Variants in PDS5A observed in about 807,000 individuals in gnomAD.
PDS5A encodes sister chromatid cohesion protein PDS5 homolog A.
A neutral mutation model predicts 167.1 loss-of-function variants in PDS5A; 42 were observed. That is an observed-to-expected ratio of 0.25 (90% CI 0.20 to 0.33). The LOEUF (loss-of-function observed/expected upper bound fraction) is 0.33, where lower values mean the gene tolerates loss of function less well. Among genes scored for constraint, PDS5A ranks in the 10% least tolerant of loss-of-function variants. The probability of loss-of-function intolerance (pLI) is 1.00; values close to 1 mark genes in which losing one functional copy is unlikely to be tolerated. For synonymous variants in PDS5A, 553 were observed against 554.6 expected (o/e 1.00, Z 0.04); for missense variants, 1,033 against 1,605.9 (o/e 0.64, Z 6.10).
intron 11 of PDS5A, among the ~76,000 whole-genome samples, chr4:39,906,438 G>A (rs1331211729): frequency 2.6e-5 from 4 of 151,942 alleles, no homozygotes; most frequent in Admixed American, 1.3e-4. Flanking sequence ...AAAGGCAAAC[G>A]ATTTAGCTAG....
At chr4:39,845,571 CTTCT>C (rs1333677205) in intron 29 of PDS5A, among the ~76,000 whole-genome samples, 1 of 152,040 alleles carries the variant, frequency 6.6e-6, no homozygotes, top group Non-Finnish European at 1.5e-5. Flanking sequence ...CCAGGAAAGT[CTTCT>C]TTGTGAATTG....
At chr4:39,826,785 C>T (rs1162873980) in intron 32 of PDS5A, among the ~76,000 whole-genome samples, 1 of 151,368 alleles carries the variant, frequency 6.6e-6, no homozygotes, top group East Asian at 2.0e-4. Context: ...ACGCCCGGCC[C>T]ATTCTACATT....
At chr4:39,966,453 A>C (rs1226034054) in intron 2 of PDS5A, among the ~76,000 whole-genome samples, 1 of 152,164 alleles carries the variant, frequency 6.6e-6, no homozygotes, top group Non-Finnish European at 1.5e-5. Flanking sequence ...TTCCCACTAA[A>C]CCATCAAATA....
chr4:39,827,808 C>T (rs1007648731), intron 32 of PDS5A, among the ~76,000 whole-genome samples: 3 of 152,166 alleles, frequency 2.0e-5, no homozygotes, highest in Non-Finnish European at 4.4e-5. Flanking sequence ...TCAAATTCCC[C>T]AGAAGTCACA....
At chr4:39,920,961 A>C (rs999861073) in intron 6 of PDS5A, among the ~76,000 whole-genome samples, 6 of 152,186 alleles carry the variant, frequency 3.9e-5, no homozygotes, top group Non-Finnish European at 5.9e-5. Context: ...ACCTTAGAAA[A>C]TATATTATTT....
intron 16 of PDS5A, chr4:39,898,084 T>C (rs1722579693): frequency 1.8e-5 from 19 of 1,080,534 alleles, no homozygotes; most frequent in South Asian, 4.5e-5. Context: ...AAAATGCACA[T>C]GTACACAAGC....
chr4:39,890,178 A>G, intron 17 of PDS5A, 71 bp downstream of exon 17: 1 of 838,050 alleles, frequency 1.2e-6, no homozygotes, highest in Non-Finnish European at 1.9e-6. Context: ...TTAGGAGCCC[A>G]GAATTTAAAT....
chr4:39,948,261 C>T (rs562528556), intron 2 of PDS5A, among the ~76,000 whole-genome samples: 2 of 140,210 alleles, frequency 1.4e-5, no homozygotes, highest in Non-Finnish European at 3.1e-5. Flanking sequence ...GAAATTTGCA[C>T]AAGAATGTTT....
At chr4:39,856,691 C>T (rs1317096660) in intron 26 of PDS5A, among the ~76,000 whole-genome samples, 1 of 152,082 alleles carries the variant, frequency 6.6e-6, no homozygotes, top group East Asian at 1.9e-4. Context: ...TGGCGGGCAC[C>T]TGTAATCTCA....
chr4:39,914,421 A>G (rs1724172187), intron 8 of PDS5A, among the ~76,000 whole-genome samples: 1 of 152,022 alleles, frequency 6.6e-6, no homozygotes, highest in South Asian at 2.1e-4. Context: ...CGGCCTCCCA[A>G]AGTGCTGGGA....
intron 2 of PDS5A, among the ~76,000 whole-genome samples, chr4:39,954,051 TG>T (rs1460437218): frequency 6.6e-6 from 1 of 151,488 alleles, no homozygotes; most frequent in Non-Finnish European, 1.5e-5. Context: ...AAAGAAACAA[TG>T]GGATGAGGCA....
chr4:39,921,027 ATTGC>A (rs1166517004), intron 6 of PDS5A, among the ~76,000 whole-genome samples: 4 of 152,176 alleles, frequency 2.6e-5, no homozygotes, highest in African/African-American at 9.7e-5. Flanking sequence ...ACCTATTAAC[ATTGC>A]TATATCTTGA....
At chr4:39,971,484 G>C (rs895992708) in intron 2 of PDS5A, among the ~76,000 whole-genome samples, 3 of 151,508 alleles carry the variant, frequency 2.0e-5, no homozygotes, top group Admixed American at 2.0e-4. Context: ...TAATGAGACA[G>C]AGTCTCACTC....
At chr4:39,873,252 C>G (rs955325438) in intron 20 of PDS5A, 108 bp from the exon 21 acceptor site, 2 of 534,250 alleles carry the variant, frequency 3.7e-6, no homozygotes, top group Non-Finnish European at 6.1e-6. Context: ...ATGCCCAAAC[C>G]AATCTTCTCT....
intron 26 of PDS5A, 36 bp downstream of exon 26, chr4:39,862,183 T>C (rs1251939091): frequency 3.6e-6 from 3 of 824,316 alleles, no homozygotes; most frequent in South Asian, 2.4e-5. Flanking sequence ...AAACTAAACA[T>C]AATTTTTAGA....
At chr4:39,880,896 C>G (rs1406103996) in intron 17 of PDS5A, among the ~76,000 whole-genome samples, 2 of 152,136 alleles carry the variant, frequency 1.3e-5, no homozygotes, top group Non-Finnish European at 1.5e-5. Flanking sequence ...ATCCACCCAT[C>G]TAGCTGTGAT....
intron 32 of PDS5A, among the ~76,000 whole-genome samples, chr4:39,827,632 CCTT>C (rs1210784576): frequency 2.0e-5 from 3 of 152,106 alleles, no homozygotes; most frequent in East Asian, 1.9e-4. Context: ...TGGGAGGAAA[CCTT>C]CTCATTATAC....
intron 32 of PDS5A, among the ~76,000 whole-genome samples, chr4:39,833,191 CAA>C (rs1166233113): frequency 7.9e-5 from 3 of 37,924 alleles, no homozygotes; most frequent in African/African-American, 1.3e-4. Flanking sequence ...AACTCCGTCT[CAA>C]AAAAAAAAAA....
chr4:39,866,977 C>T lies in PDS5A; in HGVS notation c.2526G>A (p.Leu842=), dbSNP rs975159632. The change falls in exon 23 of 33, where the codon CTG becomes CTA. Residue 842 remains leucine, a synonymous_variant. Coordinates refer to ENST00000303538, the MANE Select transcript of PDS5A (RefSeq NM_001100399.2). ...VLAKVQAIKL[L]VRWLLGMKNN... ...TTTTCATACCCAACAGCCACCTTAC[C>T]AGAAGTTTAATTGCCTGTACCTATA... 6.2e-7 allele frequency: 1 copy of T among 1,611,570 alleles called. No individual in the cohort carries two copies. Among genetic ancestry groups the T allele is most frequent in the Admixed American group, 1.7e-5 (1 of 59,742 alleles).
Sources: gnomAD v4.1 joint callset for allele counts (sites outside exome capture counted in the v4.1 genomes callset) on GRCh38, gnomAD v4.1.1 for gene constraint, MANE v1.5 for transcripts, NCBI Gene and HGNC (gene_info 2026-07-23, HGNC 2026-07-21) for gene names.